EYS: variants seen among roughly 807,000 people sequenced by gnomAD.
The protein encoded by EYS is protein eyes shut homolog.
Under a neutral mutation model 282.1 loss-of-function variants are expected in EYS, and 250 were observed. The ratio of observed to expected loss-of-function variants is 0.89; its 90% CI spans 0.80 to 0.98. The LOEUF is 0.98. EYS is among the 50% of genes least tolerant of loss of function. The pLI, the probability that EYS is intolerant of heterozygous loss-of-function variation, is 0.00. For synonymous variants in EYS, 1,355 were observed against 1,282.9 expected (o/e 1.06, Z -1.20); for missense variants, 4,016 against 3,709.0 (o/e 1.08, Z -2.15).
intron 26 of EYS, among the ~76,000 whole-genome samples, chr6:64,514,944 T>C (rs1004546179): frequency 2.0e-5 from 3 of 151,836 alleles, no homozygotes; most frequent in African/African-American, 7.2e-5. Context: ...TTGCACATTA[T>C]AAACGTGTAA....
intron 12 of EYS, among the ~76,000 whole-genome samples, chr6:65,236,571 G>C (rs2150272343): frequency 6.6e-6 from 1 of 152,046 alleles, no homozygotes. Context: ...TTGCACCACT[G>C]TACTCCAGCT....
At chr6:64,584,192 A>G (rs1444314198) in intron 26 of EYS, among the ~76,000 whole-genome samples, 1 of 152,026 alleles carries the variant, frequency 6.6e-6, no homozygotes, top group East Asian at 1.9e-4. Flanking sequence ...TATGTAAAGC[A>G]TGTAAAAAAT....
intron 22 of EYS, among the ~76,000 whole-genome samples, chr6:64,765,746 T>A (rs1435809330): frequency 1.3e-5 from 2 of 151,996 alleles, no homozygotes; most frequent in Non-Finnish European, 2.9e-5. Flanking sequence ...CTTTAAACTA[T>A]CAGATCTCAT....
intron 19 of EYS, among the ~76,000 whole-genome samples, chr6:64,881,008 G>A (rs1377631320): frequency 6.6e-6 from 1 of 151,392 alleles, no homozygotes; most frequent in African/African-American, 2.4e-5. Flanking sequence ...CTTCTAGGAA[G>A]TAGTATTGCC....
intron 2 of EYS, among the ~76,000 whole-genome samples, chr6:65,512,289 G>A (rs546711535): frequency 2.0e-5 from 3 of 151,946 alleles, no homozygotes; most frequent in East Asian, 2.0e-4. Flanking sequence ...TCAGGAGATC[G>A]AGACCATCCT....
At chr6:63,724,598 A>T (rs1039599195) in intron 42 of EYS, among the ~76,000 whole-genome samples, 2 of 152,114 alleles carry the variant, frequency 1.3e-5, no homozygotes, top group Non-Finnish European at 2.9e-5. Flanking sequence ...AAAGGTGTTA[A>T]ATTTTTAGCA....
At chr6:65,274,789 G>T (rs1582089740) in intron 12 of EYS, among the ~76,000 whole-genome samples, 1 of 152,030 alleles carries the variant, frequency 6.6e-6, no homozygotes, top group Non-Finnish European at 1.5e-5. Flanking sequence ...AAATCCAACA[G>T]AAAATCAGGG....
intron 31 of EYS, among the ~76,000 whole-genome samples, chr6:64,092,531 T>C (rs887726621): frequency 5.9e-5 from 9 of 152,340 alleles, no homozygotes; most frequent in African/African-American, 2.2e-4. Flanking sequence ...CATGTGTCTT[T>C]TGGCTGCATA....
intron 35 of EYS, among the ~76,000 whole-genome samples, chr6:63,982,564 C>A (rs1767148914): frequency 6.6e-6 from 1 of 151,844 alleles, no homozygotes; most frequent in Non-Finnish European, 1.5e-5. Flanking sequence ...CTTCCCCAAA[C>A]TGCTGTTTGC....
intron 36 of EYS, among the ~76,000 whole-genome samples, chr6:63,825,202 G>C (rs984959348): frequency 6.6e-5 from 10 of 152,228 alleles, no homozygotes; most frequent in Non-Finnish European, 1.5e-4. Context: ...CACAACTCCA[G>C]TGACCTGGGA....
chr6:63,726,202 A>T (rs1768607325), intron 42 of EYS, among the ~76,000 whole-genome samples: 2 of 152,256 alleles, frequency 1.3e-5, no homozygotes, highest in Middle Eastern at 3.4e-3. Flanking sequence ...CTTTTAAAAA[A>T]TCTTTTATAT....
chr6:65,300,353 G>A (rs1304662286), intron 11 of EYS, among the ~76,000 whole-genome samples: 1 of 152,056 alleles, frequency 6.6e-6, no homozygotes, highest in Non-Finnish European at 1.5e-5. Flanking sequence ...TATTTTAAGC[G>A]AAGTATATTA....
At chr6:64,946,688 C>T (rs530194159) in intron 14 of EYS, among the ~76,000 whole-genome samples, 39 of 151,958 alleles carry the variant, frequency 2.6e-4, no homozygotes, top group African/African-American at 8.9e-4. Flanking sequence ...ACAGTAGCCA[C>T]ATGTGGCTAT....
chr6:65,395,329 C>T (rs1446576720), intron 7 of EYS, among the ~76,000 whole-genome samples: 2 of 152,196 alleles, frequency 1.3e-5, no homozygotes, highest in African/African-American at 2.4e-5. Flanking sequence ...TCCCAAAGTG[C>T]TGGGATTACA....
At chr6:64,601,821 C>T (rs938047092) in intron 24 of EYS, among the ~76,000 whole-genome samples, 1 of 152,044 alleles carries the variant, frequency 6.6e-6, no homozygotes, top group Non-Finnish European at 1.5e-5. Context: ...TTTACTTCTA[C>T]AGGCACTTCT....
At chr6:65,025,642 A>T (rs1772386316) in intron 13 of EYS, among the ~76,000 whole-genome samples, 1 of 152,180 alleles carries the variant, frequency 6.6e-6, no homozygotes, top group Non-Finnish European at 1.5e-5. Context: ...TGAACCCAGG[A>T]GGGAGAGGTT....
chr6:64,732,004 C>A (rs994084311), intron 22 of EYS, among the ~76,000 whole-genome samples: 1 of 152,200 alleles, frequency 6.6e-6, no homozygotes, highest in East Asian at 1.9e-4. Flanking sequence ...AGTTCATGTC[C>A]TTTGTAGTGA....
At chr6:64,296,306 G>A (rs1181987392) in intron 30 of EYS, among the ~76,000 whole-genome samples, 4 of 152,004 alleles carry the variant, frequency 2.6e-5, no homozygotes, top group African/African-American at 7.3e-5. Flanking sequence ...GAATCCAGCT[G>A]TATTTATTAA....
At chr6:64,725,859 G>T (rs1771736286) in intron 22 of EYS, among the ~76,000 whole-genome samples, 5 of 152,000 alleles carry the variant, frequency 3.3e-5, no homozygotes, top group Admixed American at 3.3e-4. Context: ...TTTCCTGAGA[G>T]CTCTCCTCAT....
Sources: gnomAD v4.1 joint callset for allele counts (sites outside exome capture counted in the v4.1 genomes callset) on GRCh38, gnomAD v4.1.1 for gene constraint, MANE v1.5 for transcripts, NCBI Gene and HGNC (gene_info 2026-07-23, HGNC 2026-07-21) for gene names.